Variants in CDC42SE2 observed in about 807,000 individuals in gnomAD.
CDC42SE2 encodes the protein CDC42 small effector 2, also known as CDC42 small effector protein 2.
A neutral mutation model predicts 11.5 loss-of-function variants in CDC42SE2; 3 were observed. The ratio of observed to expected loss-of-function variants is 0.26; its 90% CI spans 0.12 to 0.67. The LOEUF (loss-of-function observed/expected upper bound fraction) is 0.67. Ranked by LOEUF, CDC42SE2 falls within the 30% of genes least tolerant of loss-of-function variation. CDC42SE2 has a pLI of 0.80. For synonymous variants in CDC42SE2, 33 were observed against 34.8 expected (o/e 0.95, Z 0.18); for missense variants, 82 against 106.8 (o/e 0.77, Z 1.02).
chr5:131,299,633 C>T (rs1404446338), intron 1 of CDC42SE2, among the ~76,000 whole-genome samples: 3 of 152,170 alleles, frequency 2.0e-5, no homozygotes, highest in Non-Finnish European at 4.4e-5. Context: ...AGCTGCACTA[C>T]ATGCAGCTGG....
intron 2 of CDC42SE2, among the ~76,000 whole-genome samples, chr5:131,325,711 G>A (rs1758283981): frequency 6.6e-6 from 1 of 152,148 alleles, no homozygotes; most frequent in Non-Finnish European, 1.5e-5. Flanking sequence ...CATGTTATAT[G>A]ATCAGTAATT....
intron 2 of CDC42SE2, among the ~76,000 whole-genome samples, chr5:131,345,539 T>A (rs1368297552): frequency 6.6e-6 from 1 of 152,172 alleles, no homozygotes; most frequent in African/African-American, 2.4e-5. Flanking sequence ...TACCTGAAAG[T>A]GACGGGGAGA....
At chr5:131,355,166 A>G (rs1254593293) in intron 2 of CDC42SE2, among the ~76,000 whole-genome samples, 1 of 152,210 alleles carries the variant, frequency 6.6e-6, no homozygotes, top group African/African-American at 2.4e-5. Flanking sequence ...TTCAACCTGT[A>G]TGCTCTTTAT....
Position 131,347,948 on chromosome 5 carries a change from G to A in CDC42SE2, c.-285-11261G>A, listed in dbSNP as rs139398895. 4.2e-3 allele frequency among the ~76,000 whole-genome samples: 632 copies of A among 152,154 alleles called. 4 individuals carry two copies. The highest frequency in any genetic ancestry group is 0.013 in the African/African-American group (546 of 41,518). On this transcript the variant is annotated intron_variant, in intron 2 of 4. Coordinates refer to ENST00000505065, the MANE Select transcript of CDC42SE2 (RefSeq NM_001375635.1). ...AAGGCCTTTGACAAAATTCAACAAC[G>A]CTTCATGCTAAAAACTTAACAAACT...
At chr5:131,331,077 A>T (rs1051047208) in intron 2 of CDC42SE2, among the ~76,000 whole-genome samples, 6 of 152,128 alleles carry the variant, frequency 3.9e-5, no homozygotes, top group African/African-American at 7.2e-5. Context: ...GAGGTTGAGA[A>T]ATCCTGCTTT....
chr5:131,382,966 A>G (rs922717581), intron 3 of CDC42SE2, among the ~76,000 whole-genome samples: 2 of 152,190 alleles, frequency 1.3e-5, no homozygotes, highest in Non-Finnish European at 2.9e-5. Context: ...TTTTTTCCCT[A>G]CTTTATTCCT....
intron 2 of CDC42SE2, among the ~76,000 whole-genome samples, chr5:131,344,769 C>G (rs1758799020): frequency 6.6e-6 from 1 of 152,198 alleles, no homozygotes; most frequent in Admixed American, 6.5e-5. Context: ...TGACTGACAC[C>G]TCATACAGCC....
At chr5:131,333,819 G>A (rs535904123) in intron 2 of CDC42SE2, among the ~76,000 whole-genome samples, 8 of 152,088 alleles carry the variant, frequency 5.3e-5, no homozygotes, top group Admixed American at 1.3e-4. Flanking sequence ...ATTTTGTATC[G>A]TGAGACTTTG....
the CDC42SE2 span, among the ~76,000 whole-genome samples, chr5:131,226,356 T>G: frequency 6.6e-6 from 1 of 152,202 alleles, no homozygotes; most frequent in Non-Finnish European, 1.5e-5. Context: ...AATTACACAA[T>G]AGTCTTGGCC....
At chr5:131,315,558 A>AGAAGATT (rs1179258237) in intron 1 of CDC42SE2, among the ~76,000 whole-genome samples, 2 of 152,208 alleles carry the variant, frequency 1.3e-5, no homozygotes, top group Non-Finnish European at 2.9e-5. Flanking sequence ...AATCAGCTCC[A>AGAAGATT]GAAGATTGTT....
At chr5:131,368,148 G>T (rs757777016) in intron 3 of CDC42SE2, among the ~76,000 whole-genome samples, 2 of 151,680 alleles carry the variant, frequency 1.3e-5, no homozygotes, top group Non-Finnish European at 2.9e-5. Context: ...AGCTACTCAG[G>T]AGGCTGAGGC....
At chr5:131,361,668 ATCACAC>A (rs1185881608) in intron 3 of CDC42SE2, among the ~76,000 whole-genome samples, 3 of 152,124 alleles carry the variant, frequency 2.0e-5, no homozygotes, top group Non-Finnish European at 4.4e-5. Context: ...GAAGAATTGG[ATCACAC>A]GTGGGCTTGG....
At chr5:131,316,644 G>T (rs1758044537) in intron 2 of CDC42SE2, among the ~76,000 whole-genome samples, 2 of 152,164 alleles carry the variant, frequency 1.3e-5, no homozygotes, top group Non-Finnish European at 2.9e-5. Flanking sequence ...CCTCTTCTCC[G>T]CAGAGCTGAT....
At chr5:131,299,177 C>T (rs368678773) in intron 1 of CDC42SE2, among the ~76,000 whole-genome samples, 96 of 152,170 alleles carry the variant, frequency 6.3e-4, no homozygotes, top group African/African-American at 2.3e-3. Flanking sequence ...AGAAGTCATA[C>T]GAGGAGACTT....
intron 1 of CDC42SE2, among the ~76,000 whole-genome samples, chr5:131,307,807 C>G (rs1757811295): frequency 6.6e-6 from 1 of 152,218 alleles, no homozygotes; most frequent in African/African-American, 2.4e-5. Context: ...TTGCATTTCT[C>G]TGATGGCCAG....
the CDC42SE2 span, among the ~76,000 whole-genome samples, chr5:131,226,153 G>A: frequency 4.8e-4 from 73 of 152,316 alleles, 1 homozygote; most frequent in African/African-American, 1.6e-3. Flanking sequence ...GTGGCGAAGC[G>A]AAGTAGTAAC....
chr5:131,353,193 C>G (rs574191822), intron 2 of CDC42SE2, among the ~76,000 whole-genome samples: 1 of 152,220 alleles, frequency 6.6e-6, no homozygotes, highest in East Asian at 1.9e-4. Context: ...GTCTCGAACT[C>G]CTGGTCTCAA....
rs114686960 is a variant in CDC42SE2 at position 131,348,823 on chromosome 5, G to A, written c.-285-10386G>A. Among the ~76,000 whole-genome samples the A allele has an allele frequency of 1.7e-4, 26 of 150,006 alleles. No homozygotes were observed. In the Middle Eastern group the frequency reaches 0.021, roughly 121 times the overall value. Reference sequence around the variant, plus strand: ...AGACCAATGGAATAGAAGAGCCCCCGGAAATAATACCACACATCTACACCC... The same window carrying A: ...AGACCAATGGAATAGAAGAGCCCCCAGAAATAATACCACACATCTACACCC... On this transcript the variant is annotated intron_variant, in intron 2 of 4. Transcript: ENST00000505065.
At chr5:131,376,649 C>A (rs1037527320) in intron 3 of CDC42SE2, among the ~76,000 whole-genome samples, 11 of 152,230 alleles carry the variant, frequency 7.2e-5, no homozygotes, top group African/African-American at 2.6e-4. Context: ...CTCCCTCCTC[C>A]CACCCTCTAC....
Sources: allele counts gnomAD v4.1 joint callset (sites outside exome capture counted in the v4.1 genomes callset), GRCh38; gene constraint gnomAD v4.1.1; transcripts MANE v1.5; gene names NCBI Gene and HGNC (gene_info 2026-07-23, HGNC 2026-07-21).